TOX: variants seen among roughly 807,000 people sequenced by gnomAD.
TOX encodes thymocyte selection associated high mobility group box, also known as thymocyte selection-associated high mobility group box protein TOX.
A neutral mutation model predicts 53.7 loss-of-function variants in TOX; 11 were observed. That is an observed-to-expected ratio of 0.20 (90% CI 0.13 to 0.34). The LOEUF is 0.34. Ranked by LOEUF, TOX falls within the 10% of genes least tolerant of loss-of-function variation. TOX has a pLI of 1.00. For missense variants in TOX, 570 were observed against 664.6 expected, an observed-to-expected ratio of 0.86 and a Z score of 1.56; for synonymous variants, 225 against 245.3, an observed-to-expected ratio of 0.92 and a Z score of 0.77.
chr8:58,992,400 C>T (rs562694878), intron 1 of TOX, among the ~76,000 whole-genome samples: 1 of 152,210 alleles, frequency 6.6e-6, no homozygotes, highest in East Asian at 1.9e-4. Flanking sequence ...CTTATATAGG[C>T]ACAGGATGTC....
At chr8:59,112,318 A>G (rs917772889) in intron 1 of TOX, among the ~76,000 whole-genome samples, 8 of 152,238 alleles carry the variant, frequency 5.3e-5, no homozygotes, top group African/African-American at 1.2e-4. Flanking sequence ...AACTGCTATA[A>G]TTAACAGTCT....
At chr8:58,873,181 C>T (rs1258856600) in intron 3 of TOX, among the ~76,000 whole-genome samples, 1 of 152,008 alleles carries the variant, frequency 6.6e-6, no homozygotes, top group South Asian at 2.1e-4. Context: ...CTGATTAAAC[C>T]TGCATGCATA....
intron 2 of TOX, among the ~76,000 whole-genome samples, chr8:58,947,607 A>G (rs1039132612): frequency 6.6e-6 from 1 of 152,098 alleles, no homozygotes; most frequent in African/African-American, 2.4e-5. Flanking sequence ...CTATACTAGG[A>G]AAAAAAAGAC....
At position 58,815,356 on chromosome 8, in the gene TOX, G is replaced by C. The variant is rs1810155352; in HGVS notation, c.1374C>G (p.His458Gln). ...CACTTACTTGCTGCATGGTGGGTGA[G>C]TGTAAGGCAGACTGGACCTGCATGG... ...QLPMQVQSAL[H>Q]SPTMQQGFTL... The change falls in exon 7 of 9, where the codon CAC becomes CAG. Residue 458 changes from histidine (H) to glutamine (Q), a missense_variant. Transcript: ENST00000361421. 18 of 1,605,364 alleles carry C rather than the reference G, an allele frequency of 1.1e-5. No individual in the cohort carries two copies. The highest frequency in any genetic ancestry group is 1.4e-5 in the Non-Finnish European group (17 of 1,175,848).
At chr8:58,822,771 A>G (rs1810303492) in intron 6 of TOX, among the ~76,000 whole-genome samples, 1 of 152,224 alleles carries the variant, frequency 6.6e-6, no homozygotes, top group South Asian at 2.1e-4. Flanking sequence ...ATGAGGTGCC[A>G]GTTTGAAAGA....
intron 1 of TOX, among the ~76,000 whole-genome samples, chr8:58,972,705 C>T (rs915703102): frequency 6.6e-6 from 1 of 152,146 alleles, no homozygotes; most frequent in African/African-American, 2.4e-5. Context: ...ATTTAATACT[C>T]ACATCAAAGA....
Position 59,119,023 on chromosome 8 carries a change from C to T in TOX, c.-36G>A. 1 of 1,479,844 alleles carries T rather than the reference C, an allele frequency of 6.8e-7. No individual in the cohort carries two copies. The highest frequency in any genetic ancestry group is 9.4e-7 in the Non-Finnish European group (1 of 1,068,318). 91.7% of individuals were successfully genotyped at this position (1,479,844 alleles called of 1,614,324 possible). A position where few individuals can be genotyped will look rare whatever the true frequency, so the allele number is the denominator to read the frequency against. The stretch of plus-strand genomic sequence containing the variant: ...CATCAAGCAACTCCTTTTCTTTTTC[C>T]TTTTTTAAAAAAAAGTGTTCAGCAA... On this transcript the variant is annotated 5_prime_UTR_variant, in exon 1 of 9. Coordinates refer to ENST00000361421, the MANE Select transcript of TOX (RefSeq NM_014729.3).
At chr8:59,111,632 C>T (rs1369570684) in intron 1 of TOX, among the ~76,000 whole-genome samples, 1 of 152,074 alleles carries the variant, frequency 6.6e-6, no homozygotes, top group South Asian at 2.1e-4. Context: ...GTTTCTAGCT[C>T]GGTAACCCCA....
At chr8:58,913,773 T>C (rs756531836) in intron 3 of TOX, among the ~76,000 whole-genome samples, 7 of 148,640 alleles carry the variant, frequency 4.7e-5, no homozygotes, top group African/African-American at 1.5e-4. Flanking sequence ...TAAAGCTCTA[T>C]GTAAAAGTCT....
At chr8:59,071,023 C>T (rs1441923350) in intron 1 of TOX, among the ~76,000 whole-genome samples, 2 of 152,200 alleles carry the variant, frequency 1.3e-5, no homozygotes, top group African/African-American at 4.8e-5. Context: ...AGTGCACCTA[C>T]ACAAGGGAAT....
At chr8:58,913,463 G>C (rs540214769) in intron 3 of TOX, among the ~76,000 whole-genome samples, 18 of 152,314 alleles carry the variant, frequency 1.2e-4, no homozygotes, top group Admixed American at 1.2e-3. Flanking sequence ...CTACAAGACA[G>C]TGTTCGTACA....
chr8:59,018,790 C>T (rs1394896479), intron 1 of TOX, among the ~76,000 whole-genome samples: 3 of 152,056 alleles, frequency 2.0e-5, no homozygotes, highest in Non-Finnish European at 2.9e-5. Flanking sequence ...TAATGCCTTT[C>T]TTGCTGATTA....
In TOX at chr8:58,815,277, C is replaced by T. The variant is rs1810153789; in HGVS notation, c.1392+61G>A. 5.3e-6 allele frequency: 8 copies of T among 1,516,814 alleles called. No individual in the cohort carries two copies. The East Asian group carries it at 1.8e-4, about 35-fold the overall frequency. The allele number at this position is 1,516,814 out of a possible 1,614,324, so 94.0% of individuals were successfully genotyped here. ...TGTCCTGGATAAACAGCTCCCCCCACCTCCACCACCACACTTCAGAATAGG... is the reference window on the plus strand; with the variant it reads ...TGTCCTGGATAAACAGCTCCCCCCATCTCCACCACCACACTTCAGAATAGG... On this transcript the variant is annotated intron_variant, in intron 7 of 8. Transcript: ENST00000361421.
chr8:59,022,256 TC>T (rs1207855731), intron 1 of TOX, among the ~76,000 whole-genome samples: 2 of 152,264 alleles, frequency 1.3e-5, no homozygotes, highest in African/African-American at 2.4e-5. Context: ...ATTGGCATGT[TC>T]CCAGTCTTTA....
chr8:58,892,188 T>C (rs1435659751), intron 3 of TOX, among the ~76,000 whole-genome samples: 1 of 152,178 alleles, frequency 6.6e-6, no homozygotes, highest in Non-Finnish European at 1.5e-5. Flanking sequence ...CATTGTTGTA[T>C]AACATTTTGG....
At chr8:58,898,328 G>A (rs978725968) in intron 3 of TOX, among the ~76,000 whole-genome samples, 14 of 37,966 alleles carry the variant, frequency 3.7e-4, no homozygotes, top group Admixed American at 1.2e-3. Flanking sequence ...CTATTCATAT[G>A]TTTGATTATT....
At chr8:58,877,407 A>G (rs1811303870) in intron 3 of TOX, among the ~76,000 whole-genome samples, 1 of 152,232 alleles carries the variant, frequency 6.6e-6, no homozygotes, top group African/African-American at 2.4e-5. Context: ...TAGTAGCACC[A>G]GAGGGAATGT....
chr8:59,005,550 T>C (rs1466324626), intron 1 of TOX, among the ~76,000 whole-genome samples: 1 of 152,206 alleles, frequency 6.6e-6, no homozygotes, highest in African/African-American at 2.4e-5. Flanking sequence ...TAGTAGCACA[T>C]TAACAATTTT....
In TOX at chr8:58,944,569, C is replaced by T. The variant is rs369583676; in HGVS notation, c.169-5025G>A. ...CTGTGCATGTTGCCAAGAATTGAGG[C>T]TTTGAAGCCCAATGGACAAGGTCTG... On this transcript the variant is annotated intron_variant, in intron 2 of 8. Coordinates refer to ENST00000361421, the MANE Select transcript of TOX (RefSeq NM_014729.3). 6.6e-5 allele frequency among the ~76,000 whole-genome samples: 10 copies of T among 152,320 alleles called. No individual in the cohort carries two copies. The South Asian group carries it at 2.1e-3, about 32-fold the overall frequency.
Sources: gnomAD v4.1 joint callset for allele counts (sites outside exome capture counted in the v4.1 genomes callset) on GRCh38, gnomAD v4.1.1 for gene constraint, MANE v1.5 for transcripts, NCBI Gene and HGNC (gene_info 2026-07-23, HGNC 2026-07-21) for gene names.